The following ITPK1 variants were observed in gnomAD, a reference collection of about 807,000 sequenced individuals.
ITPK1 encodes inositol 1,3,4-trisphosphate 5/6-kinase.
In ITPK1, 21 loss-of-function variants were observed where a neutral mutation model predicts 45.3. That is an observed-to-expected ratio of 0.46 (90% CI 0.33 to 0.67). The LOEUF (loss-of-function observed/expected upper bound fraction) is 0.67, where lower values mean the gene tolerates loss of function less well. ITPK1 is among the 30% of genes least tolerant of loss of function. ITPK1 has a pLI of 0.02. For missense variants in ITPK1, 474 were observed against 573.5 expected (o/e 0.83, Z 1.77); for synonymous variants, 258 against 253.6 (o/e 1.02, Z -0.16).
At position 93,090,067 on chromosome 14, in the gene ITPK1, T is replaced by C. The variant is rs79045212; in HGVS notation, c.96-13448A>G. On this transcript the variant is annotated intron_variant, in intron 2 of 10. Transcript: ENST00000267615. The stretch of plus-strand genomic sequence containing the variant: ...CCCTGCACACACACTCTGCACCTTC[T>C]GCATCTGAAACATGGCTCATCACCC... 3.2e-4 allele frequency among the ~76,000 whole-genome samples: 48 copies of C among 152,216 alleles called. 2 individuals carry two copies. The East Asian group carries it at 9.3e-3, about 29-fold the overall frequency.
intron 7 of ITPK1, among the ~76,000 whole-genome samples, chr14:92,961,056 T>C (rs1305829255): frequency 6.6e-6 from 1 of 152,258 alleles, no homozygotes; most frequent in African/African-American, 2.4e-5. Flanking sequence ...GAGCAGTACA[T>C]AACCCAGGAA....
intron 4 of ITPK1, among the ~76,000 whole-genome samples, chr14:93,015,586 G>A (rs922429383): frequency 1.3e-5 from 2 of 152,256 alleles, no homozygotes; most frequent in African/African-American, 2.4e-5. Flanking sequence ...TTCAGCAAGT[G>A]GAATGGACTT....
intron 4 of ITPK1, among the ~76,000 whole-genome samples, chr14:93,006,638 C>T (rs563516507): frequency 7.2e-5 from 11 of 152,288 alleles, no homozygotes; most frequent in South Asian, 2.1e-4. Flanking sequence ...CTCACTTAGC[C>T]GCCTGGCATG....
chr14:93,066,497 C>T (rs916679299), intron 3 of ITPK1: 11 of 319,716 alleles, frequency 3.4e-5, no homozygotes, highest in Non-Finnish European at 5.5e-5. Flanking sequence ...CTCCGCCTCC[C>T]GCGTTCGCGC....
Position 93,070,603 on chromosome 14 carries a change from G to C in ITPK1, c.120+5992C>G, listed in dbSNP as rs189506711. 21 of 152,396 alleles carry C rather than the reference G, an allele frequency of 1.4e-4. 1 individual carries two copies. The highest frequency in any genetic ancestry group is 3.4e-4 in the African/African-American group (14 of 41,584). The allele number at this position is 152,396 out of a possible 1,614,324, so 9.4% of individuals were successfully genotyped here. On this transcript the variant is annotated intron_variant, in intron 3 of 10. Coordinates refer to ENST00000267615, the MANE Select transcript of ITPK1 (RefSeq NM_014216.6). The stretch of plus-strand genomic sequence containing the variant: ...CTGTCAGGCCTTGCCTCTCAGTTAG[G>C]ATCTGTTGGGTAGATGGGCTCATTG...
rs766331594 is a variant in ITPK1, at chr14:92,993,915, T to C, written c.329A>G (p.Tyr110Cys). ...GGCCTCAATCTTCCGGATGAGCTCA[T>C]AGGACTTGGAGCGGTCAAGCAGGGT... The part of the protein sequence containing the change: ...IRTLLDRSKS[Y>C]ELIRKIEAYM... The change falls in exon 5 of 11, where the codon TAT becomes TGT. Residue 110 changes from tyrosine to cysteine, a missense_variant. By Grantham distance (194) the Tyr-to-Cys change is radical. Coordinates refer to ENST00000267615, the MANE Select transcript of ITPK1 (RefSeq NM_014216.6). 3.7e-6 allele frequency: 6 copies of C among 1,613,110 alleles called. No homozygotes were observed. Among genetic ancestry groups the C allele is most frequent in the Admixed American group, 3.3e-5 (2 of 60,004 alleles).
intron 2 of ITPK1, among the ~76,000 whole-genome samples, chr14:93,099,427 A>T (rs1364526662): frequency 6.6e-6 from 1 of 152,210 alleles, no homozygotes; most frequent in African/African-American, 2.4e-5. Flanking sequence ...TCAAAACACC[A>T]AGGTTCTGCA....
At position 93,052,840 on chromosome 14, in the gene ITPK1, T is replaced by G. The variant is rs143584063; in HGVS notation, c.120+23755A>C. 7.2e-5 allele frequency among the ~76,000 whole-genome samples: 11 copies of G among 152,056 alleles called. No individual in the cohort carries two copies. The East Asian group carries it at 2.1e-3, about 29-fold the overall frequency. On this transcript the variant is annotated intron_variant, in intron 3 of 10. Coordinates refer to ENST00000267615, the MANE Select transcript of ITPK1 (RefSeq NM_014216.6). ...ACAATCTCCCAGATGCCCCAAAGAC[T>G]TGGAAAGCGCTCTGGTGGCTTTCTG...
At chr14:93,045,019 G>A (rs1566753357) in intron 3 of ITPK1, among the ~76,000 whole-genome samples, 3 of 152,206 alleles carry the variant, frequency 2.0e-5, no homozygotes, top group Admixed American at 2.0e-4. Flanking sequence ...TCTCCCTCCT[G>A]TAAGATCTAC....
At chr14:92,976,694 C>T (rs1178074726) in intron 5 of ITPK1, among the ~76,000 whole-genome samples, 2 of 152,236 alleles carry the variant, frequency 1.3e-5, no homozygotes, top group African/African-American at 4.8e-5. Flanking sequence ...CTTGTGTCAT[C>T]TTTATAGCAA....
At chr14:93,017,083 G>T (rs1219948945) in intron 3 of ITPK1, among the ~76,000 whole-genome samples, 2 of 152,150 alleles carry the variant, frequency 1.3e-5, no homozygotes, top group African/African-American at 4.8e-5. Flanking sequence ...GGATGCAGAA[G>T]ACACATAAGA....
At position 93,009,017 on chromosome 14, in the gene ITPK1, CA is replaced by C. The variant is rs896235447; in HGVS notation, c.246+7658del. 4.0e-4 allele frequency among the ~76,000 whole-genome samples: 61 copies of C among 152,214 alleles called. 2 individuals carry two copies. Among genetic ancestry groups the C allele is most frequent in the African/African-American group, 1.4e-3 (58 of 41,530 alleles). On this transcript the variant is annotated intron_variant, in intron 4 of 10. Transcript: ENST00000267615. Reference sequence around the variant, plus strand: ...CTTACAAAATGCAGTGACGCTCGACCAGGGGTGGCATGGGCTCCCTCCACCA... The same window carrying C: ...CTTACAAAATGCAGTGACGCTCGACCGGGGTGGCATGGGCTCCCTCCACCA...
At chr14:93,026,751 G>T (rs57218847) in intron 3 of ITPK1, among the ~76,000 whole-genome samples, 5,325 of 152,090 alleles carry the variant, frequency 0.035, 326 homozygotes, top group African/African-American at 0.12. Context: ...GATCCATATG[G>T]TGGAAGACCA....
intron 7 of ITPK1, among the ~76,000 whole-genome samples, chr14:92,960,026 C>T (rs1195623529): frequency 6.6e-6 from 1 of 152,222 alleles, no homozygotes; most frequent in Non-Finnish European, 1.5e-5. Flanking sequence ...AAGCTTGTCC[C>T]CCAACCTCTG....
intron 5 of ITPK1, among the ~76,000 whole-genome samples, chr14:92,973,902 T>C (rs908383861): frequency 6.6e-6 from 1 of 152,236 alleles, no homozygotes; most frequent in Non-Finnish European, 1.5e-5. Flanking sequence ...CACAAGGTCC[T>C]GTCCACGTGG....
At chr14:92,962,524 G>A in intron 6 of ITPK1, 129 bp from the exon 7 acceptor site, 3 of 775,298 alleles carry the variant, frequency 3.9e-6, no homozygotes, top group East Asian at 5.1e-5. Flanking sequence ...TCTGCACTGA[G>A]GGTGACGTGT....
rs1037546764 is a variant in ITPK1, at chr14:93,034,233, G to T, written c.121-17432C>A. ...CTTCAGCCACACAGCACCTGCAGCA[G>T]CCGGGGGTTCCCATGGCAAACCACC... On this transcript the variant is annotated intron_variant, in intron 3 of 10. Coordinates refer to ENST00000267615, the MANE Select transcript of ITPK1 (RefSeq NM_014216.6). This position sits in a 1 kb window ranked among gnomAD's most constrained non-coding sequence, Gnocchi z 4.1. 1.3e-5 allele frequency among the ~76,000 whole-genome samples: 2 copies of T among 149,666 alleles called. No individual in the cohort carries two copies. The highest frequency in any genetic ancestry group is 3.0e-5 in the Non-Finnish European group (2 of 67,600).
At chr14:92,969,723 C>G in intron 5 of ITPK1, among the ~76,000 whole-genome samples, 1 of 152,154 alleles carries the variant, frequency 6.6e-6, no homozygotes, top group East Asian at 1.9e-4. Context: ...GAGCGGGGAG[C>G]CCGGGAGGCT....
At chr14:92,961,038 G>A (rs1342542680) in intron 7 of ITPK1, among the ~76,000 whole-genome samples, 1 of 152,276 alleles carries the variant, frequency 6.6e-6, no homozygotes, top group Non-Finnish European at 1.5e-5. Flanking sequence ...GTGCAGGCCA[G>A]GGATAAAGAG....
Sources: gnomAD v4.1 joint callset for allele counts (sites outside exome capture counted in the v4.1 genomes callset) on GRCh38, gnomAD v4.1.1 for gene constraint, Gnocchi (gnomAD v3.1) non-coding constraint, MANE v1.5 for transcripts, NCBI Gene and HGNC (gene_info 2026-07-23, HGNC 2026-07-21) for gene names.